Variants in ZFAND3 observed in about 807,000 individuals in gnomAD.
ZFAND3 encodes the protein zinc finger AN1-type containing 3.
A neutral mutation model predicts 29.6 loss-of-function variants in ZFAND3; 10 were observed. The observed-to-expected ratio is 0.34, with a 90% CI of 0.21 to 0.57. The LOEUF (loss-of-function observed/expected upper bound fraction) is 0.57, where lower values mean the gene tolerates loss of function less well. Ranked by LOEUF, ZFAND3 falls within the 20% of genes least tolerant of loss-of-function variation. ZFAND3 has a pLI of 0.86. For missense variants in ZFAND3, 230 were observed against 304.5 expected, an observed-to-expected ratio of 0.76 and a Z score of 1.82; for synonymous variants, 128 against 112.6, an observed-to-expected ratio of 1.14 and a Z score of -0.87.
intron 2 of ZFAND3, among the ~76,000 whole-genome samples, chr6:38,031,426 C>T (rs1179601739): frequency 6.6e-6 from 1 of 152,206 alleles, no homozygotes; most frequent in Non-Finnish European, 1.5e-5. Flanking sequence ...TATGCTCAGC[C>T]ATTTTCTTAC....
intron 2 of ZFAND3, among the ~76,000 whole-genome samples, chr6:37,947,009 C>T (rs970840726): frequency 1.3e-5 from 2 of 152,156 alleles, no homozygotes; most frequent in African/African-American, 4.8e-5. Context: ...CGTGAATGTA[C>T]TTAATGCCAC....
intron 1 of ZFAND3, among the ~76,000 whole-genome samples, chr6:37,861,657 A>G (rs910166769): frequency 2.0e-5 from 3 of 152,324 alleles, no homozygotes; most frequent in East Asian, 1.9e-4. Flanking sequence ...TGAAACTTCT[A>G]GGTTTTCATC....
At position 37,968,691 on chromosome 6, in the gene ZFAND3, T is replaced by C. The variant is rs536321302; in HGVS notation, c.112+38692T>C. Among the ~76,000 whole-genome samples, 426 of 152,142 alleles carry C rather than the reference T, an allele frequency of 2.8e-3. 1 individual carries two copies. Among genetic ancestry groups the C allele is most frequent in the African/African-American group, 9.7e-3 (404 of 41,498 alleles). On this transcript the variant is annotated intron_variant, in intron 2 of 5. Transcript: ENST00000287218. ...AGCTGATCAAATTTATTCAAACCCTTCCCCCTTCCCCCTTCCGCCTTCCCG... is the reference window on the plus strand; with the variant it reads ...AGCTGATCAAATTTATTCAAACCCTCCCCCCTTCCCCCTTCCGCCTTCCCG...
chr6:38,124,637 C>T (rs1765598774), intron 5 of ZFAND3, among the ~76,000 whole-genome samples: 1 of 152,218 alleles, frequency 6.6e-6, no homozygotes, highest in Non-Finnish European at 1.5e-5. Flanking sequence ...AGCCCATGCC[C>T]ATCTGGAACT....
chr6:37,858,501 C>A (rs138922765), intron 1 of ZFAND3, among the ~76,000 whole-genome samples: 2 of 152,256 alleles, frequency 1.3e-5, no homozygotes, highest in African/African-American at 4.8e-5. Flanking sequence ...GCTTTATGTG[C>A]TTTCAAAGAG....
At position 37,983,343 on chromosome 6, in the gene ZFAND3, C is replaced by CTTTTTTTTTT. The variant is rs70981516; in HGVS notation, c.112+53365_112+53374dup. On this transcript the variant is annotated intron_variant, in intron 2 of 5. Transcript: ENST00000287218. ...CCTATACAGGTGTACCAGTTTTTATCTTTTTTTTTTTTTTTTTTTTTTTTT... is the reference window on the plus strand; with the variant it reads ...CCTATACAGGTGTACCAGTTTTTATCTTTTTTTTTTTTTTTTTTTTTTTTTTTTTTTTTTT... Among the ~76,000 whole-genome samples the CTTTTTTTTTT allele has an allele frequency of 7.4e-4, 37 of 50,046 alleles. 1 individual carries two copies. The highest frequency in any genetic ancestry group is 2.6e-3 in the African/African-American group (32 of 12,360). 32.8% of individuals were successfully genotyped at this position (50,046 alleles called of 152,430 possible).
chr6:37,930,136 G>A (rs1761567876), intron 2 of ZFAND3, 137 bp downstream of exon 2: 2 of 862,328 alleles, frequency 2.3e-6, no homozygotes, highest in African/African-American at 3.4e-5. Context: ...GTGTGAGAAA[G>A]CAGTTTCACC....
At chr6:38,023,805 C>T (rs1040621941) in intron 2 of ZFAND3, among the ~76,000 whole-genome samples, 1 of 152,158 alleles carries the variant, frequency 6.6e-6, no homozygotes, top group Non-Finnish European at 1.5e-5. Flanking sequence ...TCAGTTTAGT[C>T]TCTGATACGT....
intron 1 of ZFAND3, among the ~76,000 whole-genome samples, chr6:37,852,634 G>A (rs1764302106): frequency 1.3e-5 from 2 of 150,774 alleles, no homozygotes; most frequent in Admixed American, 1.3e-4. Flanking sequence ...TAATTTTTGT[G>A]TTCCCTTAGC....
At chr6:37,918,951 C>CTTGTTTTTTTTTTTTTTT (rs1761318785) in intron 1 of ZFAND3, among the ~76,000 whole-genome samples, 14 of 104,724 alleles carry the variant, frequency 1.3e-4, no homozygotes, top group African/African-American at 5.7e-4. Flanking sequence ...TGAAAAATGC[C>CTTGTTTTTTTTTTTTTTT]TTTTTTTTTT....
At position 38,120,320 on chromosome 6, in the gene ZFAND3, CTTTTTTTTTTTT is replaced by C. The variant is rs70981523; in HGVS notation, c.529+3600_529+3611del. On this transcript the variant is annotated intron_variant, in intron 5 of 5. Transcript: ENST00000287218. ...TGATTGATACACGTAGCTTGGCTTC[CTTTTTTTTTTTT>C]TTTTTTTTTTTTTTTTTTGTGGAGA... Among the ~76,000 whole-genome samples the C allele has an allele frequency of 6.3e-3, 381 of 60,744 alleles. 4 individuals are homozygous for C. The highest frequency in any genetic ancestry group is 0.018 in the African/African-American group (326 of 17,796). The allele number at this position is 60,744 out of a possible 152,430, so 39.9% of individuals were successfully genotyped here.
intron 1 of ZFAND3, among the ~76,000 whole-genome samples, chr6:37,926,859 T>G (rs1761494550): frequency 6.6e-6 from 1 of 152,164 alleles, no homozygotes; most frequent in African/African-American, 2.4e-5. Context: ...ATGCCTGTGA[T>G]TAGCTTCAAG....
chr6:37,934,529 T>TA (rs34477813), intron 2 of ZFAND3, among the ~76,000 whole-genome samples: 47,745 of 125,164 alleles, frequency 0.38, 9,647 homozygotes, highest in Non-Finnish European at 0.47. Flanking sequence ...TTAGTCTATT[T>TA]AAAAAAAAAA....
At chr6:37,946,041 T>C (rs1303171517) in intron 2 of ZFAND3, among the ~76,000 whole-genome samples, 1 of 152,210 alleles carries the variant, frequency 6.6e-6, no homozygotes, top group Non-Finnish European at 1.5e-5. Context: ...TGTGGTTTGT[T>C]TAGTGGCTCC....
chr6:38,026,310 G>A (rs1233026580), intron 2 of ZFAND3, among the ~76,000 whole-genome samples: 5 of 151,268 alleles, frequency 3.3e-5, no homozygotes, highest in African/African-American at 1.2e-4. Flanking sequence ...TTTTAGCACT[G>A]TGATCAGGAA....
chr6:38,023,968 A>C (rs1442722701), intron 2 of ZFAND3, among the ~76,000 whole-genome samples: 1 of 151,704 alleles, frequency 6.6e-6, no homozygotes, highest in African/African-American at 2.4e-5. Flanking sequence ...GTAGGGCACT[A>C]AGATTGAGCC....
At chr6:37,877,540 A>G (rs1764815482) in intron 1 of ZFAND3, among the ~76,000 whole-genome samples, 1 of 125,950 alleles carries the variant, frequency 7.9e-6, no homozygotes, top group African/African-American at 2.7e-5. Flanking sequence ...TGTGAGGTGA[A>G]AGAAGAGGAG....
In ZFAND3 at chr6:38,039,939, A is replaced by G. The variant is rs79368045; in HGVS notation, c.113-21654A>G. ...TGCTTACTGTGAAAGAAAGCCGACT[A>G]TTGTTCAGAAAACAATATTATTCTT... On this transcript the variant is annotated intron_variant, in intron 2 of 5. Transcript: ENST00000287218. Among the ~76,000 whole-genome samples the G allele has an allele frequency of 0.017, 2,594 of 152,228 alleles. 254 individuals are homozygous for G. The East Asian group carries it at 0.28, about 16-fold the overall frequency.
intron 5 of ZFAND3, among the ~76,000 whole-genome samples, chr6:38,144,181 TATAATA>T (rs1157966928): frequency 5.4e-5 from 2 of 36,706 alleles, no homozygotes; most frequent in Admixed American, 2.5e-4. Context: ...GATATATATA[TATAATA>T]TATATATATA....
Sources: allele counts gnomAD v4.1 joint callset (sites outside exome capture counted in the v4.1 genomes callset), GRCh38; gene constraint gnomAD v4.1.1; transcripts MANE v1.5; gene names NCBI Gene and HGNC (gene_info 2026-07-23, HGNC 2026-07-21).